Variants in PCDH15 observed in about 807,000 individuals in gnomAD.
The protein encoded by PCDH15 is protocadherin related 15, also known as protocadherin-15.
Under a neutral mutation model 178.5 loss-of-function variants are expected in PCDH15, and 129 were observed. The observed-to-expected ratio is 0.72, with a 90% confidence interval of 0.63 to 0.84. The LOEUF is 0.84. Ranked by LOEUF, PCDH15 falls within the 40% of genes least tolerant of loss-of-function variation. The pLI is 0.00. For missense variants in PCDH15, 2,230 were observed against 2,099.9 expected, an observed-to-expected ratio of 1.06 and a Z score of -1.21; for synonymous variants, 800 against 732.0, an observed-to-expected ratio of 1.09 and a Z score of -1.50.
At chr10:54,433,697 A>G (rs1386700340) in intron 3 of PCDH15, among the ~76,000 whole-genome samples, 2 of 152,160 alleles carry the variant, frequency 1.3e-5, no homozygotes. Flanking sequence ...AAAAAAGTGT[A>G]TTGGACTGTT....
At chr10:54,546,838 T>TTCTCCTC (rs1447535267) in intron 2 of PCDH15, among the ~76,000 whole-genome samples, 2 of 152,202 alleles carry the variant, frequency 1.3e-5, no homozygotes. Context: ...CAACACCGCA[T>TTCTCCTC]GATTCTCCTC....
At chr10:53,967,923 A>G (rs553990270) in intron 21 of PCDH15, among the ~76,000 whole-genome samples, 20 of 152,288 alleles carry the variant, frequency 1.3e-4, no homozygotes, top group African/African-American at 4.8e-4. Context: ...AAATAGGAAC[A>G]GCTCCAGTCT....
chr10:54,869,696 G>A (rs973912358), intron 3 of PCDH15, among the ~76,000 whole-genome samples: 5 of 152,160 alleles, frequency 3.3e-5, no homozygotes, highest in Non-Finnish European at 7.4e-5. Context: ...AAATGTCACA[G>A]TGCCTGGCAT....
chr10:54,234,360 T>C (rs1466545420), intron 9 of PCDH15, among the ~76,000 whole-genome samples: 1 of 152,158 alleles, frequency 6.6e-6, no homozygotes, highest in African/African-American at 2.4e-5. Context: ...ACAACCCTTT[T>C]GTACAAAGAT....
intron 2 of PCDH15, among the ~76,000 whole-genome samples, chr10:55,074,908 G>T (rs1315942459): frequency 6.6e-6 from 1 of 152,066 alleles, no homozygotes; most frequent in Non-Finnish European, 1.5e-5. Flanking sequence ...TATATGGAAG[G>T]GGTCCAGTTT....
At chr10:55,077,166 T>C (rs893166599) in intron 2 of PCDH15, among the ~76,000 whole-genome samples, 3 of 151,988 alleles carry the variant, frequency 2.0e-5, no homozygotes, top group Non-Finnish European at 4.4e-5. Context: ...AGTCTATATG[T>C]ATCTTTACAA....
chr10:54,264,586 T>C (rs555798983), intron 8 of PCDH15, among the ~76,000 whole-genome samples: 1 of 152,266 alleles, frequency 6.6e-6, no homozygotes, highest in South Asian at 2.1e-4. Context: ...CTTCTGGAAC[T>C]GAAAAATTCA....
At chr10:54,576,880 T>A (rs2090525577) in intron 2 of PCDH15, among the ~76,000 whole-genome samples, 2 of 152,158 alleles carry the variant, frequency 1.3e-5, no homozygotes, top group Non-Finnish European at 2.9e-5. Flanking sequence ...GTTTCAGACA[T>A]TTGTGAAAAA....
At chr10:55,287,410 G>A (rs1384340456) in intron 1 of PCDH15, among the ~76,000 whole-genome samples, 2 of 151,920 alleles carry the variant, frequency 1.3e-5, no homozygotes, top group East Asian at 1.9e-4. Flanking sequence ...TAGCCAATAC[G>A]ATCATGAAAT....
At chr10:53,978,791 A>G (rs185354179) in intron 21 of PCDH15, among the ~76,000 whole-genome samples, 4 of 152,074 alleles carry the variant, frequency 2.6e-5, no homozygotes, top group Admixed American at 1.3e-4. Context: ...CTCAAGTTCA[A>G]TGTTCCACAG....
chr10:54,377,807 C>G (rs1160876400), intron 4 of PCDH15, among the ~76,000 whole-genome samples: 1 of 152,070 alleles, frequency 6.6e-6, no homozygotes, highest in African/African-American at 2.4e-5. Flanking sequence ...CCTCTGTACT[C>G]AAGAAAGACT....
rs1379675302 is a variant in PCDH15, at chr10:54,905,397, T to C, written c.-79-7897A>G. On this transcript the variant is annotated intron_variant, in intron 2 of 5. Transcript: ENST00000458638. ...TCCTGGCATAGCCAATGAATTTGTT[T>C]GATAAATTATGAGATAAATTCAGCT... Among the ~76,000 whole-genome samples, 3 of 152,282 alleles carry C rather than the reference T, an allele frequency of 2.0e-5. No homozygotes were observed. The East Asian group carries it at 5.8e-4, about 29-fold the overall frequency.
chr10:54,674,420 A>C (rs903330200), intron 1 of PCDH15, among the ~76,000 whole-genome samples: 1 of 152,164 alleles, frequency 6.6e-6, no homozygotes, highest in Non-Finnish European at 1.5e-5. Flanking sequence ...CATGTATGAA[A>C]TGTATAGTCT....
intron 2 of PCDH15, among the ~76,000 whole-genome samples, chr10:55,344,303 T>A (rs187510970): frequency 1.1e-4 from 16 of 152,246 alleles, no homozygotes; most frequent in Admixed American, 1.0e-3. Flanking sequence ...AAAATTTCCA[T>A]CTGAGGATAC....
At position 55,139,904 on chromosome 10, in the gene PCDH15, A is replaced by C. The variant is rs185414896; in HGVS notation, c.-80+26672T>G. Among the ~76,000 whole-genome samples, 703 of 152,118 alleles carry C rather than the reference A, an allele frequency of 4.6e-3. 2 individuals carry two copies. The highest frequency in any genetic ancestry group is 8.0e-3 in the Non-Finnish European group (542 of 67,878). On this transcript the variant is annotated intron_variant, in intron 2 of 5. Coordinates refer to the PCDH15 transcript ENST00000458638. The stretch of plus-strand genomic sequence containing the variant: ...TTTGCTATGTTGATTCTTCAAATCT[A>C]AGACATTGTGTCTATAATTATTTAG...
intron 3 of PCDH15, among the ~76,000 whole-genome samples, chr10:54,391,511 A>C (rs1304694495): frequency 1.3e-5 from 2 of 152,050 alleles, no homozygotes; most frequent in Non-Finnish European, 2.9e-5. Flanking sequence ...GAGAGGTGTG[A>C]GTAGGGTATA....
At chr10:54,189,027 G>A (rs2048727131) in intron 11 of PCDH15, among the ~76,000 whole-genome samples, 2 of 151,886 alleles carry the variant, frequency 1.3e-5, no homozygotes, top group African/African-American at 2.4e-5. Context: ...TAGAAAAAAT[G>A]CCATGATAAA....
At position 54,969,355 on chromosome 10, in the gene PCDH15, C is replaced by T. The variant is rs113532163; in HGVS notation, c.-79-71855G>A. The stretch of plus-strand genomic sequence containing the variant: ...TATTTCCCACTACTAAGTCAGACTC[C>T]GTCTGAATACTCCAACCAATGTAGA... On this transcript the variant is annotated intron_variant, in intron 2 of 5. Transcript: ENST00000458638. Among the ~76,000 whole-genome samples the T allele has an allele frequency of 2.6e-3, 398 of 152,186 alleles. 3 individuals are homozygous for T. The highest frequency in any genetic ancestry group is 8.8e-3 in the African/African-American group (364 of 41,548).
At chr10:54,068,702 G>T (rs773153696) in intron 17 of PCDH15, among the ~76,000 whole-genome samples, 1 of 152,130 alleles carries the variant, frequency 6.6e-6, no homozygotes, top group Non-Finnish European at 1.5e-5. Context: ...GAAGAAGATC[G>T]AATAGCGACA....
Sources: gnomAD v4.1 joint callset for allele counts (sites outside exome capture counted in the v4.1 genomes callset) on GRCh38, gnomAD v4.1.1 for gene constraint, MANE v1.5 for transcripts, NCBI Gene and HGNC (gene_info 2026-07-23, HGNC 2026-07-21) for gene names.